Variants in XKR9 observed in about 807,000 individuals in gnomAD.
XKR9 encodes XK-related protein 9.
A neutral mutation model predicts 32.0 loss-of-function variants in XKR9; 32 were observed. The observed-to-expected ratio is 1.00, with a 90% CI of 0.76 to 1.34. XKR9 has a LOEUF of 1.34. XKR9 is among the 40% of genes most tolerant of loss of function. XKR9 has a pLI of 0.00. For missense variants in XKR9, 546 were observed against 429.7 expected (o/e 1.27, Z -2.39); for synonymous variants, 168 against 143.4 (o/e 1.17, Z -1.22).
chr8:70,735,101 A>T lies in XKR9; in HGVS notation c.*677A>T. The T allele has an allele frequency of 6.6e-6, 1 of 152,228 alleles. No homozygotes were observed. Among genetic ancestry groups the T allele is most frequent in the African/African-American group, 2.4e-5 (1 of 41,580 alleles). 9.4% of individuals were successfully genotyped at this position (152,228 alleles called of 1,614,324 possible). On this transcript the variant is annotated 3_prime_UTR_variant, in exon 5 of 5. Transcript: ENST00000408926. ...ATATTTTAAAATTATTTTTATTTTT[A>T]AAAAATTATGGTAAAAACATATAAA...
chr8:70,923,883 A>C, the XKR9 span, among the ~76,000 whole-genome samples: 1 of 152,150 alleles, frequency 6.6e-6, no homozygotes, highest in Non-Finnish European at 1.5e-5. Context: ...TCTGTATCTT[A>C]AGGTGGACCC....
the XKR9 span, among the ~76,000 whole-genome samples, chr8:70,836,381 G>C: frequency 6.6e-6 from 1 of 151,940 alleles, no homozygotes; most frequent in Non-Finnish European, 1.5e-5. Flanking sequence ...CCACTGTTCT[G>C]TGTGTGTGTA....
chr8:70,707,008 A>C lies in XKR9; in HGVS notation c.348A>C (p.Glu116Asp), dbSNP rs114543592. The C allele has an allele frequency of 5.0e-6, 8 of 1,613,460 alleles. No homozygotes were observed. The East Asian group carries it at 1.8e-4, about 36-fold the overall frequency. The change falls in exon 4 of 5, where the codon GAA becomes GAC. Residue 116 changes from glutamate (E) to aspartate (D), a missense_variant. By Grantham distance (45) the Glu-to-Asp change is conservative. Transcript: ENST00000408926. ...GCAATACTAGTAACTTCGTGGAAGA[A>C]CAAATTGATCTACATAAAGAAGTTA... is the stretch of plus-strand genomic sequence containing the variant. Reference protein sequence around the residue: ...YDSNTSNFVEEQIDLHKEVID... With the variant: ...YDSNTSNFVEDQIDLHKEVID...
chr8:70,850,242 A>C, the XKR9 span, among the ~76,000 whole-genome samples: 1 of 152,032 alleles, frequency 6.6e-6, no homozygotes, highest in Non-Finnish European at 1.5e-5. Context: ...CAGGCGGATC[A>C]CTAGGTCAGG....
intron 2 of XKR9, among the ~76,000 whole-genome samples, chr8:70,755,925 A>C (rs1428392622): frequency 6.6e-6 from 1 of 152,080 alleles, no homozygotes; most frequent in East Asian, 1.9e-4. Flanking sequence ...ATAATTAAAA[A>C]AAAGATTTTG....
At position 70,733,994 on chromosome 8, in the gene XKR9, C is replaced by T. The variant is rs1806765387; in HGVS notation, c.692C>T (p.Ala231Val). 6.2e-7 allele frequency: 1 copy of T among 1,611,970 alleles called. No individual in the cohort carries two copies. Among genetic ancestry groups the T allele is most frequent in the Non-Finnish European group, 8.5e-7 (1 of 1,179,474 alleles). ...VLLLFLNVKI[A>V]LFLLLFLWLL... Reference sequence around the variant, plus strand: ...CTACTATTCTTAAATGTTAAGATTGCTTTATTTCTGTTGTTATTTCTTTGG... The same window carrying T: ...CTACTATTCTTAAATGTTAAGATTGTTTTATTTCTGTTGTTATTTCTTTGG... Residue 231 changes from alanine (A) to valine (V), a missense_variant, in exon 5 of 5, where the codon GCT becomes GTT. Ala to Val is a moderately conservative substitution (Grantham distance 64). Transcript: ENST00000408926.
intron 2 of XKR9, among the ~76,000 whole-genome samples, chr8:70,774,056 A>G (rs559477154): frequency 1.3e-5 from 2 of 152,294 alleles, no homozygotes; most frequent in Non-Finnish European, 2.9e-5. Flanking sequence ...GTCATACTTC[A>G]GAACAAAGAA....
chr8:70,963,929 A>G, the XKR9 span, among the ~76,000 whole-genome samples: 2 of 152,108 alleles, frequency 1.3e-5, no homozygotes, highest in Non-Finnish European at 2.9e-5. Flanking sequence ...GTTTACTCTG[A>G]TGATAGTTTC....
the XKR9 span, among the ~76,000 whole-genome samples, chr8:70,916,645 T>C: frequency 6.6e-6 from 1 of 152,210 alleles, no homozygotes; most frequent in South Asian, 2.1e-4. Flanking sequence ...TTGGCACTTC[T>C]ATAAAAATTT....
chr8:71,055,183 A>G, the XKR9 span, among the ~76,000 whole-genome samples: 534 of 152,346 alleles, frequency 3.5e-3, 1 homozygote, highest in African/African-American at 0.012. Context: ...GGGATTATTT[A>G]TGTGAAATAC....
At chr8:70,858,705 C>A in the XKR9 span, among the ~76,000 whole-genome samples, 8 of 151,934 alleles carry the variant, frequency 5.3e-5, no homozygotes, top group Admixed American at 1.3e-4. Flanking sequence ...TAAATCCTTG[C>A]ATTACAGCCA....
At chr8:70,878,319 T>C in the XKR9 span, among the ~76,000 whole-genome samples, 201 of 152,246 alleles carry the variant, frequency 1.3e-3, no homozygotes, top group African/African-American at 4.4e-3. Context: ...TAACCTTAAA[T>C]GTAAATGTGC....
chr8:70,681,588 G>T (rs1819086231), intron 3 of XKR9, among the ~76,000 whole-genome samples: 1 of 152,080 alleles, frequency 6.6e-6, no homozygotes. Flanking sequence ...GAAGGAAAAA[G>T]ACATTTCTAT....
the XKR9 span, among the ~76,000 whole-genome samples, chr8:71,049,966 G>A: frequency 6.6e-6 from 1 of 152,102 alleles, no homozygotes; most frequent in African/African-American, 2.4e-5. Context: ...TGGGTCAAAT[G>A]AGAAATAAAT....
intron 4 of XKR9, among the ~76,000 whole-genome samples, chr8:70,716,290 AAAGT>A (rs1430247701): frequency 2.0e-5 from 3 of 152,154 alleles, no homozygotes; most frequent in African/African-American, 4.8e-5. Context: ...GTTTTTTTGA[AAAGT>A]AAGCAATAAA....
chr8:71,036,074 T>C, the XKR9 span, among the ~76,000 whole-genome samples: 1 of 152,172 alleles, frequency 6.6e-6, no homozygotes, highest in Admixed American at 6.5e-5. Flanking sequence ...ATATTCAGAT[T>C]TTCCTGTTTT....
At chr8:71,035,699 G>A in the XKR9 span, among the ~76,000 whole-genome samples, 33 of 152,114 alleles carry the variant, frequency 2.2e-4, no homozygotes, top group African/African-American at 7.7e-4. Flanking sequence ...TAAATCAATT[G>A]TTTATTAGCA....
At chr8:70,953,602 A>G in the XKR9 span, among the ~76,000 whole-genome samples, 3 of 151,976 alleles carry the variant, frequency 2.0e-5, no homozygotes, top group Admixed American at 6.5e-5. Context: ...GTGAGCCACC[A>G]CTCTCAGCCC....
At chr8:70,968,933 A>C in the XKR9 span, among the ~76,000 whole-genome samples, 1 of 152,116 alleles carries the variant, frequency 6.6e-6, no homozygotes, top group Non-Finnish European at 1.5e-5. Flanking sequence ...GGGATCGGGG[A>C]CCCACTTAAA....
Sources: gnomAD v4.1 joint callset for allele counts (sites outside exome capture counted in the v4.1 genomes callset) on GRCh38, gnomAD v4.1.1 for gene constraint, MANE v1.5 for transcripts, NCBI Gene and HGNC (gene_info 2026-07-23, HGNC 2026-07-21) for gene names.